FRMD4A: variants seen among roughly 807,000 people sequenced by gnomAD.
FRMD4A encodes FERM domain-containing protein 4A.
Under a neutral mutation model 129.1 loss-of-function variants are expected in FRMD4A, and 29 were observed. That is an observed-to-expected ratio of 0.22 (90% CI 0.17 to 0.31). The LOEUF (loss-of-function observed/expected upper bound fraction) is 0.31, where lower values mean the gene tolerates loss of function less well. FRMD4A is among the 10% of genes least tolerant of loss of function. The probability of loss-of-function intolerance (pLI) is 1.00; values close to 1 mark genes in which losing one functional copy is unlikely to be tolerated. For missense variants in FRMD4A, 1,272 were observed against 1,375.8 expected, an observed-to-expected ratio of 0.92 and a Z score of 1.19; for synonymous variants, 634 against 571.6, an observed-to-expected ratio of 1.11 and a Z score of -1.56.
At chr10:14,161,691 G>T (rs915984368) in intron 2 of FRMD4A, among the ~76,000 whole-genome samples, 1 of 152,108 alleles carries the variant, frequency 6.6e-6, no homozygotes, top group Non-Finnish European at 1.5e-5. Flanking sequence ...CATGAGGAGA[G>T]GTTGGTTAAT....
intron 2 of FRMD4A, among the ~76,000 whole-genome samples, chr10:14,141,658 C>T (rs906560687): frequency 6.6e-6 from 1 of 152,136 alleles, no homozygotes; most frequent in Non-Finnish European, 1.5e-5. Context: ...TTCCCCTGTC[C>T]TTCGATGATC....
chr10:14,083,864 C>G (rs1237445267), intron 2 of FRMD4A: 1 of 152,146 alleles, frequency 6.6e-6, no homozygotes, highest in Non-Finnish European at 1.5e-5. Flanking sequence ...CTTCTCCCCA[C>G]CTTCGCACAA....
chr10:14,145,254 A>G (rs1564337599), intron 2 of FRMD4A, among the ~76,000 whole-genome samples: 1 of 152,214 alleles, frequency 6.6e-6, no homozygotes, highest in Non-Finnish European at 1.5e-5. Flanking sequence ...CTGCTGATTT[A>G]CTGAATCACT....
At chr10:13,825,912 A>G (rs530252432) in intron 3 of FRMD4A, among the ~76,000 whole-genome samples, 1 of 152,372 alleles carries the variant, frequency 6.6e-6, no homozygotes, top group South Asian at 2.1e-4. Flanking sequence ...CCTGCAACCA[A>G]TGCCCTGTGG....
At chr10:13,813,711 A>G (rs975308920) in intron 3 of FRMD4A, among the ~76,000 whole-genome samples, 1 of 152,230 alleles carries the variant, frequency 6.6e-6, no homozygotes, top group Non-Finnish European at 1.5e-5. Flanking sequence ...AGTACACTGT[A>G]GACTATCAGT....
At chr10:14,226,956 G>A (rs1843459072) in intron 2 of FRMD4A, among the ~76,000 whole-genome samples, 3 of 152,012 alleles carry the variant, frequency 2.0e-5, no homozygotes, top group South Asian at 4.2e-4. Flanking sequence ...GTACTTCAAC[G>A]GAGCCCAATG....
intron 23 of FRMD4A, 196 bp downstream of exon 23, chr10:13,654,220 C>A: frequency 1.6e-6 from 1 of 609,122 alleles, no homozygotes; most frequent in Non-Finnish European, 2.9e-6. Context: ...AGACAATTCA[C>A]CTCTATAAAG....
At chr10:14,047,387 G>A (rs1202180518) in intron 2 of FRMD4A, among the ~76,000 whole-genome samples, 1 of 152,144 alleles carries the variant, frequency 6.6e-6, no homozygotes, top group Non-Finnish European at 1.5e-5. Flanking sequence ...AAAGGAAGGT[G>A]CAAGAAAGGT....
At chr10:13,970,540 A>G (rs532568167) in intron 2 of FRMD4A, among the ~76,000 whole-genome samples, 1 of 152,320 alleles carries the variant, frequency 6.6e-6, no homozygotes, top group African/African-American at 2.4e-5. Context: ...GCTGGGTTAC[A>G]AGTATTGTCA....
intron 2 of FRMD4A, among the ~76,000 whole-genome samples, chr10:14,302,395 T>C (rs554601904): frequency 1.3e-5 from 2 of 152,332 alleles, no homozygotes; most frequent in South Asian, 4.1e-4. Flanking sequence ...TCTTCTCACT[T>C]TGTATTAAAG....
chr10:14,065,171 T>C (rs577094353), intron 2 of FRMD4A, among the ~76,000 whole-genome samples: 3 of 152,140 alleles, frequency 2.0e-5, no homozygotes, highest in Admixed American at 1.3e-4. Context: ...AATTCATTCA[T>C]TGGGACTTTT....
intron 2 of FRMD4A, among the ~76,000 whole-genome samples, chr10:14,024,321 C>T (rs1465012170): frequency 2.6e-5 from 4 of 152,184 alleles, no homozygotes; most frequent in Non-Finnish European, 4.4e-5. Context: ...GGGAGACTCT[C>T]TTGCGCCTGG....
chr10:13,809,722 C>A (rs912832668), intron 4 of FRMD4A, among the ~76,000 whole-genome samples: 2 of 152,210 alleles, frequency 1.3e-5, no homozygotes, highest in Middle Eastern at 3.2e-3. Flanking sequence ...CTGCTGCCTG[C>A]TCTCTGAACA....
At chr10:13,906,016 C>G (rs1256270237) in intron 2 of FRMD4A, among the ~76,000 whole-genome samples, 2 of 152,196 alleles carry the variant, frequency 1.3e-5, no homozygotes, top group African/African-American at 4.8e-5. Context: ...CTGCAGACAC[C>G]TGGAAATGTT....
intron 2 of FRMD4A, among the ~76,000 whole-genome samples, chr10:14,217,511 T>C (rs1843111885): frequency 6.6e-6 from 1 of 152,244 alleles, no homozygotes; most frequent in African/African-American, 2.4e-5. Flanking sequence ...TCTGCCATGA[T>C]TGTCAGGCCT....
At chr10:13,926,989 C>T (rs1295864467) in intron 2 of FRMD4A, among the ~76,000 whole-genome samples, 1 of 152,138 alleles carries the variant, frequency 6.6e-6, no homozygotes, top group African/African-American at 2.4e-5. Flanking sequence ...TGTGGTGGCT[C>T]ACGTCTATAA....
chr10:14,230,789 C>G (rs997793935), intron 2 of FRMD4A, among the ~76,000 whole-genome samples: 2 of 152,174 alleles, frequency 1.3e-5, no homozygotes, highest in Non-Finnish European at 2.9e-5. Flanking sequence ...CTTCCACCTT[C>G]CACCTTCAAG....
At chr10:13,988,776 G>A (rs7921741) in intron 2 of FRMD4A, among the ~76,000 whole-genome samples, 51,929 of 151,688 alleles carry the variant, frequency 0.34, 9,558 homozygotes, top group East Asian at 0.72. Flanking sequence ...CTATCCATCC[G>A]TCTATCTATC....
At chr10:14,121,345 G>A (rs1202940848) in intron 2 of FRMD4A, among the ~76,000 whole-genome samples, 1 of 152,162 alleles carries the variant, frequency 6.6e-6, no homozygotes, top group Non-Finnish European at 1.5e-5. Context: ...TCCAGCCTGG[G>A]CAGCAGAGTG....
Sources: allele counts gnomAD v4.1 joint callset (sites outside exome capture counted in the v4.1 genomes callset), GRCh38; gene constraint gnomAD v4.1.1; transcripts MANE v1.5; gene names NCBI Gene and HGNC (gene_info 2026-07-23, HGNC 2026-07-21).